Variants in TBC1D24 observed in about 807,000 individuals in gnomAD.
TBC1D24 encodes the protein Infantile myoclonic epilepsy.
In TBC1D24, 47 loss-of-function variants were observed where a neutral mutation model predicts 50.7. The ratio of observed to expected loss-of-function variants is 0.93; its 90% CI spans 0.73 to 1.18. The LOEUF is 1.18. Ranked by LOEUF, TBC1D24 falls within the 50% of genes most tolerant of loss-of-function variation. TBC1D24 has a pLI of 0.00. For missense variants in TBC1D24, 688 were observed against 766.5 expected, an observed-to-expected ratio of 0.90 and a Z score of 1.21; for synonymous variants, 324 against 335.2, an observed-to-expected ratio of 0.97 and a Z score of 0.36.
At chr16:2,494,979 C>G (rs1317673433) in intron 1 of TBC1D24, among the ~76,000 whole-genome samples, 1 of 151,302 alleles carries the variant, frequency 6.6e-6, no homozygotes, top group African/African-American at 2.4e-5. Context: ...CAAGGCCAAC[C>G]TGGGTGACAG....
chr16:2,482,088 C>T lies in TBC1D24; in HGVS notation c.-116+6918C>T, dbSNP rs996808509. On this transcript the variant is annotated intron_variant, in intron 1 of 7. Coordinates refer to ENST00000646147, the MANE Select transcript of TBC1D24 (RefSeq NM_001199107.2). The surrounding 1 kb of genome is among the most constrained non-coding windows in gnomAD (Gnocchi z 5.2). The stretch of plus-strand genomic sequence containing the variant: ...CCTTCCTGTTATGTGAAGATGCCTG[C>T]AGGAAAGGTCACACCTAGGGTGGGT... The T allele has an allele frequency of 1.3e-5, 2 of 152,262 alleles. No individual in the cohort carries two copies. Among genetic ancestry groups the T allele is most frequent in the Non-Finnish European group, 2.9e-5 (2 of 68,052 alleles). The allele number at this position is 152,262 out of a possible 1,614,324, so 9.4% of individuals were successfully genotyped here.
chr16:2,500,249 C>T lies in TBC1D24; in HGVS notation c.1303-19C>T, dbSNP rs1304307805. The stretch of plus-strand genomic sequence containing the variant: ...TGCGAACGCCCGCGCCAGCTCCTCA[C>T]ACTCCCCTTCCACCCCAGCTGCAGC... On this transcript the variant is annotated intron_variant, in intron 6 of 7. Transcript: ENST00000646147. The surrounding 1 kb of genome is among the most constrained non-coding windows in gnomAD (Gnocchi z 8.0). 3 of 1,582,862 alleles carry T rather than the reference C, an allele frequency of 1.9e-6. No homozygotes were observed. Among genetic ancestry groups the T allele is most frequent in the Non-Finnish European group, 1.7e-6 (2 of 1,163,672 alleles).
At chr16:2,497,219 G>C in intron 2 of TBC1D24, 106 bp downstream of exon 2, 1 of 1,450,626 alleles carries the variant, frequency 6.9e-7, no homozygotes, top group South Asian at 1.2e-5. Flanking sequence ...CTCTGCCCAT[G>C]GTCCACCCAG....
In TBC1D24 at chr16:2,487,877, T is replaced by G. The variant is rs1400926509; in HGVS notation, c.-115-8157T>G. ...CTGTGCTCAGGGACCCTCTGGAGCC[T>G]CTCTCGGAGGTCCTCGCTGTCCCAG... On this transcript the variant is annotated intron_variant, in intron 1 of 7. Coordinates refer to ENST00000646147, the MANE Select transcript of TBC1D24 (RefSeq NM_001199107.2). This position sits in a 1 kb window ranked among gnomAD's most constrained non-coding sequence, Gnocchi z 4.1. Among the ~76,000 whole-genome samples the G allele has an allele frequency of 6.6e-6, 1 of 151,714 alleles. No homozygotes were observed. The highest frequency in any genetic ancestry group is 2.4e-5 in the African/African-American group (1 of 41,272).
At position 2,475,874 on chromosome 16, in the gene TBC1D24, T is replaced by C. The variant is rs921194063; in HGVS notation, c.-116+704T>C. Among the ~76,000 whole-genome samples, 3 of 152,200 alleles carry C rather than the reference T, an allele frequency of 2.0e-5. No homozygotes were observed. Among genetic ancestry groups the C allele is most frequent in the African/African-American group, 7.2e-5 (3 of 41,462 alleles). On this transcript the variant is annotated intron_variant, in intron 1 of 7. Coordinates refer to ENST00000646147, the MANE Select transcript of TBC1D24 (RefSeq NM_001199107.2). This position sits in a 1 kb window ranked among gnomAD's most constrained non-coding sequence, Gnocchi z 4.2. ...CCCGCGGCCTGGCCACAGGCCTTCTTTGATGGCCGTGCCCCGCAGGGAAAC... is the reference window on the plus strand; with the variant it reads ...CCCGCGGCCTGGCCACAGGCCTTCTCTGATGGCCGTGCCCCGCAGGGAAAC...
rs1555501311 is a variant in TBC1D24, at chr16:2,496,991, C to G, written c.843C>G (p.Ser281=). Residue 281 remains serine (S), a synonymous_variant, in exon 2 of 8, where the codon TCC becomes TCG. Transcript: ENST00000646147. The stretch of plus-strand genomic sequence containing the variant: ...TCAGAGACATCGCGAAGACGGTGTC[C>G]CCTGAGAAGCTGCTGGAGAAAGCGT... The part of the protein sequence containing the change: ...TFVRDIAKTV[S]PEKLLEKAFA... 4 of 1,613,964 alleles carry G rather than the reference C, an allele frequency of 2.5e-6. No homozygotes were observed. The highest frequency in any genetic ancestry group is 1.6e-4 in the Middle Eastern group (1 of 6,062).
Position 2,486,748 on chromosome 16 carries a change from A to G in TBC1D24, c.-115-9286A>G, listed in dbSNP as rs1266683322. Among the ~76,000 whole-genome samples, 3 of 152,182 alleles carry G rather than the reference A, an allele frequency of 2.0e-5. No individual in the cohort carries two copies. Among genetic ancestry groups the G allele is most frequent in the Non-Finnish European group, 4.4e-5 (3 of 68,022 alleles). On this transcript the variant is annotated intron_variant, in intron 1 of 7. Transcript: ENST00000646147. The surrounding 1 kb of genome is among the most constrained non-coding windows in gnomAD (Gnocchi z 5.8). ...TGGCATTTGCCTAAGAAGCATCTGT[A>G]TCGAAACTGGCTTTGAAAACTTCAC...
At position 2,486,956 on chromosome 16, in the gene TBC1D24, C is replaced by T. The variant is rs976880464; in HGVS notation, c.-115-9078C>T. The stretch of plus-strand genomic sequence containing the variant: ...CGGTCTAGACTCTGCCTTCCTTTCT[C>T]CCTGGCTTCTCTGTCCCAACCCTTC... On this transcript the variant is annotated intron_variant, in intron 1 of 7. Coordinates refer to ENST00000646147, the MANE Select transcript of TBC1D24 (RefSeq NM_001199107.2). This position sits in a 1 kb window ranked among gnomAD's most constrained non-coding sequence, Gnocchi z 5.8. Among the ~76,000 whole-genome samples, 1 of 152,234 alleles carries T rather than the reference C, an allele frequency of 6.6e-6. No individual in the cohort carries two copies. Among genetic ancestry groups the T allele is most frequent in the Non-Finnish European group, 1.5e-5 (1 of 68,042 alleles).
intron 1 of TBC1D24, chr16:2,493,731 C>T (rs1400495073): frequency 6.6e-6 from 1 of 152,196 alleles, no homozygotes; most frequent in Non-Finnish European, 1.5e-5. Context: ...CGTAAGCAAA[C>T]CTTGCACTTC....
chr16:2,490,335 C>T (rs1047854022), intron 1 of TBC1D24, among the ~76,000 whole-genome samples: 2 of 152,230 alleles, frequency 1.3e-5, no homozygotes, highest in Admixed American at 6.5e-5. Flanking sequence ...TGACAGGTGC[C>T]ACCTCGGAGA....
At chr16:2,493,385 C>T (rs1168029323) in intron 1 of TBC1D24, among the ~76,000 whole-genome samples, 9 of 152,124 alleles carry the variant, frequency 5.9e-5, no homozygotes, top group South Asian at 2.1e-4. Context: ...GTGATCCACC[C>T]GCCTCGGCCT....
At position 2,490,919 on chromosome 16, in the gene TBC1D24, G is replaced by A. The variant is rs73490276; in HGVS notation, c.-115-5115G>A. 8.3e-3 allele frequency among the ~76,000 whole-genome samples: 1,257 copies of A among 152,324 alleles called. 17 individuals are homozygous for A. The highest frequency in any genetic ancestry group is 0.028 in the African/African-American group (1,153 of 41,568). ...GAACAGAGGAGGCCTTGTTTGCTGC[G>A]TAGGAGCAGGTGCGGCTTATGATGT... On this transcript the variant is annotated intron_variant, in intron 1 of 7. Coordinates refer to ENST00000646147, the MANE Select transcript of TBC1D24 (RefSeq NM_001199107.2).
In TBC1D24 at chr16:2,505,173, G is replaced by A. The variant is rs995575268; in HGVS notation, c.*4215G>A. ...ACATCTATGTTAGGTAGAAAAGTAT[G>A]TGGATTTTTAAAAATCATCTGGTAT... On this transcript the variant is annotated 3_prime_UTR_variant, in exon 8 of 8. Transcript: ENST00000646147. 3 of 152,226 alleles carry A rather than the reference G, an allele frequency of 2.0e-5. No homozygotes were observed. Among genetic ancestry groups the A allele is most frequent in the Admixed American group, 2.0e-4 (3 of 15,280 alleles). The allele number at this position is 152,226 out of a possible 1,614,324, so 9.4% of individuals were successfully genotyped here.
chr16:2,491,903 G>A (rs1223268649), intron 1 of TBC1D24, among the ~76,000 whole-genome samples: 1 of 152,090 alleles, frequency 6.6e-6, no homozygotes, highest in African/African-American at 2.4e-5. Context: ...TTGCCATGTT[G>A]TGTGGGCTAG....
At chr16:2,494,544 G>A (rs900096203) in intron 1 of TBC1D24, among the ~76,000 whole-genome samples, 6 of 152,096 alleles carry the variant, frequency 3.9e-5, no homozygotes, top group East Asian at 1.9e-4. Flanking sequence ...GACCATGCTC[G>A]AGTGGAAAGG....
Position 2,499,235 on chromosome 16 carries a change from C to A in TBC1D24, c.1143-122C>A. The A allele has an allele frequency of 1.1e-6, 1 of 880,986 alleles. No homozygotes were observed. Among genetic ancestry groups the A allele is most frequent in the Non-Finnish European group, 1.9e-6 (1 of 539,060 alleles). The allele number at this position is 880,986 out of a possible 1,614,324, so 54.6% of individuals were successfully genotyped here. Reference sequence around the variant, plus strand: ...ACCTGGGTGAGGGTGTTGTCGGGACCCAGAGAGAAGGAAGCACAGTTCCCA... The same window carrying A: ...ACCTGGGTGAGGGTGTTGTCGGGACACAGAGAGAAGGAAGCACAGTTCCCA... On this transcript the variant is annotated intron_variant, in intron 4 of 7. Transcript: ENST00000646147. This position sits in a 1 kb window ranked among gnomAD's most constrained non-coding sequence, Gnocchi z 4.0.
At chr16:2,488,651 A>G (rs900958875) in intron 1 of TBC1D24, among the ~76,000 whole-genome samples, 4 of 151,132 alleles carry the variant, frequency 2.6e-5, no homozygotes, top group African/African-American at 9.7e-5. Context: ...AGGTGGGACT[A>G]CAGGCGCCCG....
At position 2,496,330 on chromosome 16, in the gene TBC1D24, A is replaced by T. The variant is rs1179613160; in HGVS notation, c.182A>T (p.Asp61Val). 5.6e-6 allele frequency: 9 copies of T among 1,613,588 alleles called. No individual in the cohort carries two copies. Among genetic ancestry groups the T allele is most frequent in the Non-Finnish European group, 7.6e-6 (9 of 1,180,030 alleles). Reference protein sequence around the residue: ...RGKVYQRLIRDIPCRTVTPDA... With the variant: ...RGKVYQRLIRVIPCRTVTPDA... ...AAGGTGTACCAGCGCCTGATCCGGG[A>T]CATTCCCTGCCGCACGGTCACGCCT... Residue 61 changes from aspartate to valine, a missense_variant, in exon 2 of 8, where the codon GAC (aspartate) becomes GTC (valine). Asp to Val is a radical substitution (Grantham distance 152, BLOSUM62 -3). Coordinates refer to ENST00000646147, the MANE Select transcript of TBC1D24 (RefSeq NM_001199107.2).
At chr16:2,490,194 T>C (rs190622984) in intron 1 of TBC1D24, among the ~76,000 whole-genome samples, 2 of 152,312 alleles carry the variant, frequency 1.3e-5, no homozygotes, top group Admixed American at 1.3e-4. Flanking sequence ...CTGTAATTCT[T>C]GTGAGTCTCG....
Sources: allele counts gnomAD v4.1 joint callset (sites outside exome capture counted in the v4.1 genomes callset), GRCh38; gene constraint gnomAD v4.1.1; non-coding constraint Gnocchi (gnomAD v3.1); transcripts MANE v1.5; gene names NCBI Gene and HGNC (gene_info 2026-07-23, HGNC 2026-07-21).